FARS2: variants seen among roughly 807,000 people sequenced by gnomAD.
FARS2 encodes phenylalanyl-tRNA synthetase 2, mitochondrial, also known as phenylalanine--tRNA ligase, mitochondrial.
Under a neutral mutation model 46.4 loss-of-function variants are expected in FARS2, and 40 were observed. The ratio of observed to expected loss-of-function variants is 0.86; its 90% CI spans 0.67 to 1.12. FARS2 has a LOEUF of 1.12. FARS2 is among the 50% of genes most tolerant of loss of function. FARS2 has a pLI of 0.00. For synonymous variants in FARS2, 234 were observed against 214.9 expected (o/e 1.09, Z -0.78); for missense variants, 513 against 567.9 (o/e 0.90, Z 0.98).
intron 1 of FARS2, among the ~76,000 whole-genome samples, chr6:5,276,588 G>C (rs1561925706): frequency 6.6e-6 from 1 of 152,200 alleles, no homozygotes; most frequent in African/African-American, 2.4e-5. Flanking sequence ...GCTCATCAAA[G>C]AGCTTTACTT....
intron 4 of FARS2, among the ~76,000 whole-genome samples, chr6:5,456,504 CA>C (rs1290862300): frequency 7.9e-5 from 12 of 151,780 alleles, no homozygotes; most frequent in Non-Finnish European, 1.2e-4. Context: ...GAGGCCGAGG[CA>C]GGCGGATCAC....
At chr6:5,421,639 T>C (rs9405265) in intron 3 of FARS2, among the ~76,000 whole-genome samples, 73,394 of 152,022 alleles carry the variant, frequency 0.48, 17,959 homozygotes, top group Non-Finnish European at 0.52. Flanking sequence ...TGCCAGATAC[T>C]CTAAATCATG....
intron 6 of FARS2, among the ~76,000 whole-genome samples, chr6:5,672,085 T>C (rs1451386733): frequency 6.6e-6 from 1 of 152,212 alleles, no homozygotes; most frequent in Admixed American, 6.5e-5. Flanking sequence ...GATGAGTAGA[T>C]GAACACAGGA....
chr6:5,516,015 T>C (rs1393935233), intron 4 of FARS2, among the ~76,000 whole-genome samples: 2 of 152,146 alleles, frequency 1.3e-5, no homozygotes, highest in Non-Finnish European at 2.9e-5. Flanking sequence ...TCTCAAAACC[T>C]CAATCACTTA....
chr6:5,472,389 C>T (rs560967407), intron 4 of FARS2, among the ~76,000 whole-genome samples: 2 of 152,262 alleles, frequency 1.3e-5, no homozygotes, highest in East Asian at 3.9e-4. Flanking sequence ...CAGGTTTATC[C>T]ACCAAGGAGG....
chr6:5,726,999 T>C (rs1472209714), intron 6 of FARS2, among the ~76,000 whole-genome samples: 2 of 152,262 alleles, frequency 1.3e-5, no homozygotes, highest in Non-Finnish European at 2.9e-5. Context: ...TCGTGACCGC[T>C]GTCAACTGCA....
At chr6:5,257,094 T>G (rs1201180379), upstream of FARS2, among the ~76,000 whole-genome samples, 1 of 152,186 alleles carries the variant, frequency 6.6e-6, no homozygotes, top group East Asian at 1.9e-4. Flanking sequence ...AAAATCATCT[T>G]CTACACTGCT....
At position 5,620,777 on chromosome 6, in the gene FARS2, A is replaced by G. The variant is rs376057676; in HGVS notation, c.1217+7457A>G. 5.3e-5 allele frequency among the ~76,000 whole-genome samples: 8 copies of G among 152,328 alleles called. No homozygotes were observed. The East Asian group carries it at 9.6e-4, about 18-fold the overall frequency. On this transcript the variant is annotated intron_variant, in intron 6 of 6. Coordinates refer to ENST00000274680, the MANE Select transcript of FARS2 (RefSeq NM_006567.5). Reference sequence around the variant, plus strand: ...AAAGGGACCGGATTAGCCCAACTCAACTTTTCCTGCTAGATCAGAGGCAGT... The same window carrying G: ...AAAGGGACCGGATTAGCCCAACTCAGCTTTTCCTGCTAGATCAGAGGCAGT...
Position 5,727,120 on chromosome 6 carries a change from A to G in FARS2, c.1218-44171A>G, listed in dbSNP as rs1760317960. On this transcript the variant is annotated intron_variant, in intron 6 of 6. Transcript: ENST00000274680. The surrounding 1 kb of genome is among the most constrained non-coding windows in gnomAD (Gnocchi z 4.1). ...CCTTCCTCACCGGGCTGTTACTGGT[A>G]GGAAAAGCGTGACTGCAGTGCATGG... 6.6e-6 allele frequency among the ~76,000 whole-genome samples: 1 copy of G among 151,936 alleles called. No homozygotes were observed. Among genetic ancestry groups the G allele is most frequent in the Non-Finnish European group, 1.5e-5 (1 of 67,956 alleles).
At chr6:5,659,781 A>G (rs1212164319) in intron 6 of FARS2, among the ~76,000 whole-genome samples, 1 of 152,356 alleles carries the variant, frequency 6.6e-6, no homozygotes, top group African/African-American at 2.4e-5. Context: ...AGGTACAAAC[A>G]TGTGTTAAAG....
intron 6 of FARS2, among the ~76,000 whole-genome samples, chr6:5,766,550 C>G (rs1762760475): frequency 6.6e-6 from 1 of 152,238 alleles, no homozygotes; most frequent in Admixed American, 6.5e-5. Flanking sequence ...AGAAATTACT[C>G]TTCTCCATAA....
chr6:5,729,479 C>G (rs2150934018), intron 6 of FARS2, among the ~76,000 whole-genome samples: 1 of 152,336 alleles, frequency 6.6e-6, no homozygotes, highest in East Asian at 1.9e-4. Flanking sequence ...TGAGTAGACA[C>G]ATACCTTAGA....
Position 5,470,338 on chromosome 6 carries a change from G to A in FARS2, c.904+39166G>A, listed in dbSNP as rs146506025. Among the ~76,000 whole-genome samples, 838 of 152,246 alleles carry A rather than the reference G, an allele frequency of 5.5e-3. 11 individuals carry two copies. Among genetic ancestry groups the A allele is most frequent in the African/African-American group, 0.019 (786 of 41,526 alleles). ...TGATTTAAAGTGTACAAGAGAATGCGCATAGATTATATGCAAATACTATGC... is the reference window on the plus strand; with the variant it reads ...TGATTTAAAGTGTACAAGAGAATGCACATAGATTATATGCAAATACTATGC... On this transcript the variant is annotated intron_variant, in intron 4 of 6. Transcript: ENST00000274680.
chr6:5,721,571 G>C (rs958453712), intron 6 of FARS2, among the ~76,000 whole-genome samples: 5 of 152,014 alleles, frequency 3.3e-5, no homozygotes, highest in African/African-American at 9.7e-5. Context: ...TAGAAATATT[G>C]GTTCAGTGAG....
intron 1 of FARS2, among the ~76,000 whole-genome samples, chr6:5,264,689 G>A (rs556337164): frequency 6.6e-6 from 1 of 151,986 alleles, no homozygotes; most frequent in South Asian, 2.1e-4. Context: ...TTACAGGCGT[G>A]AGCCACCGCG....
chr6:5,356,594 G>T (rs1757946940), intron 1 of FARS2, among the ~76,000 whole-genome samples: 1 of 152,210 alleles, frequency 6.6e-6, no homozygotes, highest in Non-Finnish European at 1.5e-5. Context: ...CTTCATTTAG[G>T]TATGAGTGAT....
intron 6 of FARS2, among the ~76,000 whole-genome samples, chr6:5,709,027 G>A (rs979376922): frequency 6.6e-6 from 1 of 152,168 alleles, no homozygotes; most frequent in South Asian, 2.1e-4. Flanking sequence ...CTCCCTTGTC[G>A]TGAACAACAG....
rs1480345597 is a variant in FARS2 at position 5,392,938 on chromosome 6, GTGTA to G, written c.613-11602_613-11599del. ...TATGTATATATACATATATGTGTGTGTGTATATATATATACACATAAAATATATT... is the reference window on the plus strand; with the variant it reads ...TATGTATATATACATATATGTGTGTGTATATATATACACATAAAATATATT... On this transcript the variant is annotated intron_variant, in intron 2 of 6. Transcript: ENST00000274680. Among the ~76,000 whole-genome samples, 243 of 144,506 alleles carry G rather than the reference GTGTA, an allele frequency of 1.7e-3. 1 individual carries two copies. The highest frequency in any genetic ancestry group is 7.4e-3 in the Middle Eastern group (2 of 270). 94.8% of individuals were successfully genotyped at this position (144,506 alleles called of 152,430 possible). A position where few individuals can be genotyped will look rare whatever the true frequency, so the allele number is the denominator to read the frequency against.
In FARS2 at chr6:5,765,927, G is replaced by T. The variant is rs1398425587; in HGVS notation, c.1218-5364G>T. ...ACTGGTGACAATGGAAGCCCCAGAG[G>T]TTCAAACATTCTAAGATGCCTATAC... is the stretch of plus-strand genomic sequence containing the variant. On this transcript the variant is annotated intron_variant, in intron 6 of 6. Transcript: ENST00000274680. The surrounding 1 kb of genome is among the most constrained non-coding windows in gnomAD (Gnocchi z 4.0). 6.6e-6 allele frequency among the ~76,000 whole-genome samples: 1 copy of T among 152,100 alleles called. No individual in the cohort carries two copies. Among genetic ancestry groups the T allele is most frequent in the Non-Finnish European group, 1.5e-5 (1 of 68,026 alleles).
Sources: allele counts gnomAD v4.1 joint callset (sites outside exome capture counted in the v4.1 genomes callset), GRCh38; gene constraint gnomAD v4.1.1; non-coding constraint Gnocchi (gnomAD v3.1); transcripts MANE v1.5; gene names NCBI Gene and HGNC (gene_info 2026-07-23, HGNC 2026-07-21).